The following WNK2 variants were observed in gnomAD, a reference collection of about 807,000 sequenced individuals.
WNK2 encodes WNK lysine deficient protein kinase 2, also known as serine/threonine-protein kinase WNK2.
A neutral mutation model predicts 192.1 loss-of-function variants in WNK2; 67 were observed. The ratio of observed to expected loss-of-function variants is 0.35; its 90% CI spans 0.29 to 0.43. The LOEUF (loss-of-function observed/expected upper bound fraction) is 0.43. Ranked by LOEUF, WNK2 falls within the 20% of genes least tolerant of loss-of-function variation. WNK2 has a pLI of 1.00. For synonymous variants in WNK2, 1,439 were observed against 1,393.9 expected (o/e 1.03, Z -0.72); for missense variants, 2,698 against 3,089.7 (o/e 0.87, Z 3.01).
intron 28 of WNK2, among the ~76,000 whole-genome samples, chr9:93,309,786 T>C (rs1184335084): frequency 6.6e-6 from 1 of 152,256 alleles, no homozygotes; most frequent in African/African-American, 2.4e-5. Context: ...AAGTTTCTTA[T>C]GATATGTTCA....
intron 19 of WNK2, among the ~76,000 whole-genome samples, chr9:93,281,649 C>T (rs1847755559): frequency 6.6e-6 from 1 of 152,060 alleles, no homozygotes; most frequent in Non-Finnish European, 1.5e-5. Context: ...AATTGGAAGG[C>T]ATGAAGCCAC....
At chr9:93,256,200 A>T (rs1843256003) in intron 9 of WNK2, 99 bp from the exon 10 acceptor site, 1 of 1,334,926 alleles carries the variant, frequency 7.5e-7, no homozygotes, top group African/African-American at 1.5e-5. Context: ...CCTGGTAGGG[A>T]CCAGGCACAG....
intron 20 of WNK2, among the ~76,000 whole-genome samples, 163 bp from the exon 21 acceptor site, chr9:93,289,815 A>G (rs1564178684): frequency 2.6e-5 from 4 of 152,226 alleles, no homozygotes; most frequent in South Asian, 2.1e-4. Flanking sequence ...GTTTGGGGTC[A>G]TGCTTGTGCA....
At chr9:93,230,291 G>A (rs1029373138) in intron 3 of WNK2, among the ~76,000 whole-genome samples, 3 of 152,154 alleles carry the variant, frequency 2.0e-5, no homozygotes, top group Non-Finnish European at 4.4e-5. Flanking sequence ...GCCTGGTGCT[G>A]TATCCTGGGT....
chr9:93,188,786 TG>T (rs1295868447), intron 2 of WNK2, among the ~76,000 whole-genome samples: 1 of 152,170 alleles, frequency 6.6e-6, no homozygotes, highest in Admixed American at 6.5e-5. Context: ...GGTGCTGATC[TG>T]GGTCACTGGC....
rs1363865317 is a variant in WNK2, at chr9:93,185,595, C to T, written c.666C>T (p.Ala222=). The change falls in exon 2 of 30, where the codon GCC becomes GCT. Residue 222 remains alanine, a synonymous_variant. Transcript: ENST00000427277. ...GLDTETWVEV[A]WCELQDRKLT... is the part of the protein sequence containing the mutation. ...ACACGGAGACCTGGGTGGAGGTGGC[C>T]TGGTGTGAGCTGCAGGTGAGGGTGC... 2.5e-6 allele frequency: 4 copies of T among 1,610,906 alleles called. No homozygotes were observed. Among genetic ancestry groups the T allele is most frequent in the Non-Finnish European group, 3.4e-6 (4 of 1,178,728 alleles).
intron 2 of WNK2, among the ~76,000 whole-genome samples, chr9:93,227,883 T>C (rs990104469): frequency 5.9e-5 from 9 of 152,232 alleles, no homozygotes; most frequent in Non-Finnish European, 1.2e-4. Flanking sequence ...TAATGTTTCA[T>C]TGGATTATGG....
intron 1 of WNK2, 76 bp from the exon 2 acceptor site, chr9:93,184,852 C>T (rs2130824596): frequency 1.7e-6 from 2 of 1,153,622 alleles, no homozygotes; most frequent in African/African-American, 1.6e-5. Flanking sequence ...CTTAGGGCGG[C>T]GTTGTCTCAT....
In WNK2 at chr9:93,256,342, C is replaced by T. The variant is rs375452200; in HGVS notation, c.2078C>T (p.Pro693Leu). 3.2e-5 allele frequency: 51 copies of T among 1,584,340 alleles called. No homozygotes were observed. The highest frequency in any genetic ancestry group is 1.8e-4 in the Middle Eastern group (1 of 5,600). Residue 693 changes from proline to leucine, a missense_variant, in exon 10 of 30, where the codon CCG (proline) becomes CTG (leucine). Transcript: ENST00000427277. ...VGSVPAPACPPSLQQHFPDPA... is the reference protein window; with the variant it reads ...VGSVPAPACPLSLQQHFPDPA... Reference sequence around the variant, plus strand: ...TCTGTCCCGGCCCCCGCCTGCCCTCCGTCCCTCCAGCAGCACTTCCCGGAT... The same window carrying T: ...TCTGTCCCGGCCCCCGCCTGCCCTCTGTCCCTCCAGCAGCACTTCCCGGAT...
chr9:93,314,465 G>T (rs1854255720), intron 28 of WNK2, among the ~76,000 whole-genome samples: 1 of 151,940 alleles, frequency 6.6e-6, no homozygotes, highest in African/African-American at 2.4e-5. Context: ...AAAACAGCTG[G>T]GCATGGTGGC....
intron 19 of WNK2, among the ~76,000 whole-genome samples, chr9:93,275,421 CA>C (rs1428584849): frequency 6.6e-6 from 1 of 152,000 alleles, no homozygotes; most frequent in Non-Finnish European, 1.5e-5. Flanking sequence ...TAATTCTTAG[CA>C]AACTAGGAAA....
intron 2 of WNK2, among the ~76,000 whole-genome samples, chr9:93,209,798 C>G (rs1216331625): frequency 6.6e-6 from 1 of 152,162 alleles, no homozygotes; most frequent in Non-Finnish European, 1.5e-5. Context: ...CGAAGCCCGC[C>G]CTTCCCCCAG....
At chr9:93,230,382 C>T (rs1838560930) in intron 3 of WNK2, among the ~76,000 whole-genome samples, 1 of 152,168 alleles carries the variant, frequency 6.6e-6, no homozygotes, top group African/African-American at 2.4e-5. Flanking sequence ...TAGGTGGATG[C>T]GCTGCAAGAG....
At chr9:93,216,761 C>A (rs1451425131) in intron 2 of WNK2, among the ~76,000 whole-genome samples, 1 of 151,382 alleles carries the variant, frequency 6.6e-6, no homozygotes, top group Non-Finnish European at 1.5e-5. Flanking sequence ...ACCACTGCAC[C>A]ACTGCACCAC....
intron 16 of WNK2, among the ~76,000 whole-genome samples, chr9:93,265,165 C>T (rs1195681751): frequency 2.6e-5 from 4 of 152,236 alleles, no homozygotes; most frequent in African/African-American, 9.6e-5. Context: ...GTCGGGAAGA[C>T]TTTATTCAGG....
rs1444551716 is a variant in WNK2, at chr9:93,234,963, T to C, written c.1231T>C (p.Cys411Arg). The change falls in exon 5 of 30, where the codon TGT (cysteine) becomes CGT (arginine). Residue 411 changes from cysteine to arginine, a missense_variant and splice_region_variant. By Grantham distance (180) the Cys-to-Arg change is radical. Around this residue, in one of 7 missense-constraint regions of WNK2, gnomAD observed 230 missense variants for 501.1 expected, o/e 0.46. Coordinates refer to ENST00000427277, the MANE Select transcript of WNK2 (RefSeq NM_006648.4). Reference protein sequence around the residue: ...NAAQIYRKVTCGIKPASFEKV... With the variant: ...NAAQIYRKVTRGIKPASFEKV... The stretch of plus-strand genomic sequence containing the variant: ...GGCCCAGATCTACCGCAAGGTCACC[T>C]GTGTGAGTCCACCTGGCCCCTTGGT... 6.2e-7 allele frequency: 1 copy of C among 1,613,910 alleles called. No individual in the cohort carries two copies.
intron 26 of WNK2, among the ~76,000 whole-genome samples, chr9:93,303,738 A>G (rs1395721952): frequency 6.6e-6 from 1 of 152,192 alleles, no homozygotes; most frequent in Non-Finnish European, 1.5e-5. Flanking sequence ...GGGGTCATTT[A>G]GCTCAAGGCA....
Position 93,234,976 on chromosome 9 carries a change from C to T in WNK2, c.1233+11C>T. 3 of 1,613,886 alleles carry T rather than the reference C, an allele frequency of 1.9e-6. No individual in the cohort carries two copies. The highest frequency in any genetic ancestry group is 1.7e-6 in the Non-Finnish European group (2 of 1,179,832). ...CGCAAGGTCACCTGTGTGAGTCCAC[C>T]TGGCCCCTTGGTTAATTAATAAGGA... On this transcript the variant is annotated intron_variant, in intron 5 of 29. Transcript: ENST00000427277.
At chr9:93,311,840 G>C (rs528223456) in intron 28 of WNK2, among the ~76,000 whole-genome samples, 1 of 152,042 alleles carries the variant, frequency 6.6e-6, no homozygotes, top group Non-Finnish European at 1.5e-5. Flanking sequence ...GGCTGATCTC[G>C]AACTCCTGAC....
Sources: gnomAD v4.1 joint callset for allele counts (sites outside exome capture counted in the v4.1 genomes callset) on GRCh38, gnomAD v4.1.1 for gene constraint, gnomAD v4.1.1 regional missense constraint, MANE v1.5 for transcripts, NCBI Gene and HGNC (gene_info 2026-07-23, HGNC 2026-07-21) for gene names.